ZCCHC7: variants seen among roughly 807,000 people sequenced by gnomAD.
ZCCHC7 encodes zinc finger CCHC-type containing 7.
A neutral mutation model predicts 52.0 loss-of-function variants in ZCCHC7; 35 were observed. The observed-to-expected ratio is 0.67, with a 90% CI of 0.51 to 0.89. The LOEUF is 0.89. Ranked by LOEUF, ZCCHC7 falls within the 40% of genes least tolerant of loss-of-function variation. The probability of loss-of-function intolerance (pLI) is 0.00; values close to 1 mark genes in which losing one functional copy is unlikely to be tolerated. For synonymous variants in ZCCHC7, 217 were observed against 221.5 expected (o/e 0.98, Z 0.18); for missense variants, 574 against 649.1 (o/e 0.88, Z 1.26).
chr9:37,294,709 C>T (rs1024526677), intron 2 of ZCCHC7, among the ~76,000 whole-genome samples: 13 of 151,996 alleles, frequency 8.6e-5, no homozygotes, highest in Non-Finnish European at 1.8e-4. Context: ...ATGAATGTTT[C>T]CTTTTTTGCT....
At chr9:37,220,123 TAGAC>T (rs1315751137) in intron 2 of ZCCHC7, among the ~76,000 whole-genome samples, 1 of 152,248 alleles carries the variant, frequency 6.6e-6, no homozygotes, top group East Asian at 1.9e-4. Context: ...TAAGACTTGT[TAGAC>T]AGCTGTTGTT....
chr9:37,287,310 G>T (rs551984440), intron 2 of ZCCHC7, among the ~76,000 whole-genome samples: 1 of 151,852 alleles, frequency 6.6e-6, no homozygotes, highest in African/African-American at 2.4e-5. Flanking sequence ...AAATCAGGAT[G>T]AGCATTTGTA....
intron 5 of ZCCHC7, among the ~76,000 whole-genome samples, chr9:37,310,223 C>A (rs1380828811): frequency 6.6e-6 from 1 of 152,142 alleles, no homozygotes. Flanking sequence ...ATCATTAGTC[C>A]CTTTCAGAAG....
At chr9:37,193,383 C>A (rs1185117203) in intron 2 of ZCCHC7, among the ~76,000 whole-genome samples, 1 of 152,016 alleles carries the variant, frequency 6.6e-6, no homozygotes, top group African/African-American at 2.4e-5. Flanking sequence ...AACTAAAATT[C>A]TCCTACAATA....
chr9:37,200,318 A>G (rs1823568027), intron 2 of ZCCHC7, among the ~76,000 whole-genome samples: 1 of 152,154 alleles, frequency 6.6e-6, no homozygotes, highest in African/African-American at 2.4e-5. Flanking sequence ...TCTTGGCTGT[A>G]TTCAGGCCTC....
chr9:37,333,963 A>G (rs748732767), intron 6 of ZCCHC7: 15 of 151,876 alleles, frequency 9.9e-5, no homozygotes, highest in Non-Finnish European at 2.1e-4. Context: ...CCCTATTACA[A>G]TAAAAATGAG....
chr9:37,145,256 G>C (rs1379179104), intron 2 of ZCCHC7, among the ~76,000 whole-genome samples: 1 of 151,918 alleles, frequency 6.6e-6, no homozygotes, highest in Admixed American at 6.6e-5. Flanking sequence ...TTAAAAAAGG[G>C]ACCATGTTGA....
intron 2 of ZCCHC7, among the ~76,000 whole-genome samples, chr9:37,199,664 C>T (rs550492152): frequency 0.029 from 3,528 of 123,038 alleles, 142 homozygotes; most frequent in African/African-American, 0.11. Flanking sequence ...GTCTGTCTGT[C>T]TGTCTTTCTC....
In ZCCHC7 at chr9:37,238,635, G is replaced by A. The variant is rs541873427; in HGVS notation, c.611-63553G>A. ...TTTATTGAAGGCAAAATTTGGTTTC[G>A]ATTTTGCTTAGATGAAATTGCATTA... On this transcript the variant is annotated intron_variant, in intron 2 of 8. Coordinates refer to ENST00000336755, the MANE Select transcript of ZCCHC7 (RefSeq NM_032226.3). Among the ~76,000 whole-genome samples the A allele has an allele frequency of 3.9e-5, 6 of 151,900 alleles. No homozygotes were observed. In the East Asian group the frequency reaches 9.7e-4, roughly 24 times the overall value.
chr9:37,337,586 G>A (rs1830738440), intron 6 of ZCCHC7, among the ~76,000 whole-genome samples: 1 of 152,074 alleles, frequency 6.6e-6, no homozygotes, highest in South Asian at 2.1e-4. Flanking sequence ...GAAGAAGCTG[G>A]CATGAAAATT....
intron 2 of ZCCHC7, among the ~76,000 whole-genome samples, chr9:37,221,193 A>C (rs903197152): frequency 2.0e-5 from 3 of 152,216 alleles, no homozygotes; most frequent in African/African-American, 4.8e-5. Flanking sequence ...GTTTTAGGGC[A>C]GGCCTAGAGA....
intron 2 of ZCCHC7, among the ~76,000 whole-genome samples, chr9:37,195,042 G>A (rs1031680466): frequency 6.6e-6 from 1 of 151,182 alleles, no homozygotes; most frequent in Non-Finnish European, 1.5e-5. Context: ...CACCACCCGG[G>A]TTCAAGCTAT....
At chr9:37,329,038 T>C (rs1239004906) in intron 6 of ZCCHC7, among the ~76,000 whole-genome samples, 13 of 152,060 alleles carry the variant, frequency 8.5e-5, no homozygotes, top group Non-Finnish European at 1.9e-4. Flanking sequence ...TAGCAGTTTT[T>C]TTATCCTATC....
chr9:37,189,578 C>T (rs912538135), intron 2 of ZCCHC7, among the ~76,000 whole-genome samples: 11 of 152,058 alleles, frequency 7.2e-5, no homozygotes, highest in Admixed American at 2.0e-4. Context: ...AGTAGAGACG[C>T]GGTTTCACCA....
intron 2 of ZCCHC7, among the ~76,000 whole-genome samples, chr9:37,146,066 G>C (rs1383390858): frequency 2.0e-5 from 3 of 151,856 alleles, no homozygotes; most frequent in African/African-American, 7.2e-5. Context: ...ATTTAAGCAA[G>C]TGCGATTACT....
At position 37,212,310 on chromosome 9, in the gene ZCCHC7, T is replaced by TA. The variant is rs542029893; in HGVS notation, c.610+85378dup. Among the ~76,000 whole-genome samples the TA allele has an allele frequency of 4.2e-3, 628 of 149,534 alleles. 3 individuals are homozygous for TA. The highest frequency in any genetic ancestry group is 0.012 in the South Asian group (58 of 4,728). ...CCCTGAGCCAATCTTCTACCATACC[T>TA]AAAAAAAAAATTTTACTTAGAAATA... On this transcript the variant is annotated intron_variant, in intron 2 of 8. Transcript: ENST00000336755.
At chr9:37,130,583 C>T (rs992538386) in intron 2 of ZCCHC7, among the ~76,000 whole-genome samples, 1 of 150,990 alleles carries the variant, frequency 6.6e-6, no homozygotes, top group Non-Finnish European at 1.5e-5. Flanking sequence ...AGCTGCGCCT[C>T]CCGGGTTCAC....
intron 2 of ZCCHC7, among the ~76,000 whole-genome samples, chr9:37,181,489 T>C (rs548683904): frequency 9.2e-5 from 14 of 152,316 alleles, no homozygotes; most frequent in Non-Finnish European, 1.6e-4. Flanking sequence ...AGTTGATAAA[T>C]TGACATACAA....
intron 2 of ZCCHC7, among the ~76,000 whole-genome samples, chr9:37,175,401 TAGA>T (rs1421103896): frequency 6.6e-6 from 1 of 151,754 alleles, no homozygotes; most frequent in Non-Finnish European, 1.5e-5. Flanking sequence ...TCATCTCTAA[TAGA>T]AGTTCTCTCC....
Sources: gnomAD v4.1 joint callset for allele counts (sites outside exome capture counted in the v4.1 genomes callset) on GRCh38, gnomAD v4.1.1 for gene constraint, MANE v1.5 for transcripts, NCBI Gene and HGNC (gene_info 2026-07-23, HGNC 2026-07-21) for gene names.